The following NCKAP1L variants were observed in gnomAD, a reference collection of about 807,000 sequenced individuals.
NCKAP1L encodes NCK associated protein 1 like, also known as nck-associated protein 1-like.
A neutral mutation model predicts 139.2 loss-of-function variants in NCKAP1L; 53 were observed. The observed-to-expected ratio is 0.38, with a 90% CI of 0.31 to 0.48. The LOEUF is 0.48. Ranked by LOEUF, NCKAP1L falls within the 20% of genes least tolerant of loss-of-function variation. The pLI, the probability that NCKAP1L is intolerant of heterozygous loss-of-function variation, is 0.98. For synonymous variants in NCKAP1L, 468 were observed against 499.7 expected (o/e 0.94, Z 0.85); for missense variants, 1,151 against 1,381.9 (o/e 0.83, Z 2.65).
chr12:54,511,768 T>G, intron 7 of NCKAP1L, 35 bp from the exon 8 acceptor site: 1 of 1,607,954 alleles, frequency 6.2e-7, no homozygotes, highest in Non-Finnish European at 8.5e-7. Context: ...AAGGCCAAGT[T>G]AAATAACTGA....
Position 54,545,909 on chromosome 12 carries a change from A to G in NCKAP1L, c.*3224A>G, listed in dbSNP as rs549955532. Reference sequence around the variant, plus strand: ...ACTGCCTCCCCTGCCATGGTGTTCAATCCAGTTGGCAGGTGGGCCAGCTTC... The same window carrying G: ...ACTGCCTCCCCTGCCATGGTGTTCAGTCCAGTTGGCAGGTGGGCCAGCTTC... On this transcript the variant is annotated 3_prime_UTR_variant, in exon 31 of 31. Coordinates refer to ENST00000293373, the MANE Select transcript of NCKAP1L (RefSeq NM_005337.5). The G allele has an allele frequency of 5.9e-5, 9 of 152,344 alleles. No homozygotes were observed. Among genetic ancestry groups the G allele is most frequent in the Admixed American group, 3.3e-4 (5 of 15,298 alleles). 9.4% of individuals were successfully genotyped at this position (152,344 alleles called of 1,614,324 possible).
At position 54,518,700 on chromosome 12, in the gene NCKAP1L, T is replaced by C; in HGVS notation, c.1388T>C (p.Val463Ala). The C allele has an allele frequency of 6.2e-7, 1 of 1,614,038 alleles. No individual in the cohort carries two copies. The highest frequency in any genetic ancestry group is 8.5e-7 in the Non-Finnish European group (1 of 1,179,910). ...GAGTCCATCATCATGTCCTCATTCG[T>C]CAGTATCCTCTCCTCTCTGAATCTC... Reference protein sequence around the residue: ...EEESIIMSSFVSILSSLNLKQ... With the variant: ...EEESIIMSSFASILSSLNLKQ... The change falls in exon 14 of 31, where the codon GTC becomes GCC. Residue 463 changes from valine to alanine, a missense_variant. By Grantham distance (64) the Val-to-Ala change is moderately conservative. Transcript: ENST00000293373.
intron 3 of NCKAP1L, among the ~76,000 whole-genome samples, 153 bp from the exon 4 acceptor site, chr12:54,507,700 G>A (rs979838338): frequency 6.6e-6 from 1 of 152,102 alleles, no homozygotes; most frequent in Non-Finnish European, 1.5e-5. Flanking sequence ...TTACTGAGGA[G>A]GAACTTCCTC....
At chr12:54,528,453 A>G (rs1464446136) in intron 22 of NCKAP1L, 76 bp downstream of exon 22, 7 of 1,536,218 alleles carry the variant, frequency 4.6e-6, no homozygotes, top group Middle Eastern at 2.3e-4. Flanking sequence ...AGACTAGGAC[A>G]TGTATTTAGG....
chr12:54,499,544 T>C (rs765031532), intron 2 of NCKAP1L, 79 bp downstream of exon 2: 9 of 858,710 alleles, frequency 1.0e-5, no homozygotes, highest in Middle Eastern at 2.2e-4. Flanking sequence ...TTGATGCCTC[T>C]CTTCAAACTT....
chr12:54,505,180 T>C (rs1480162745), intron 3 of NCKAP1L, among the ~76,000 whole-genome samples: 3 of 152,204 alleles, frequency 2.0e-5, no homozygotes, highest in African/African-American at 7.2e-5. Flanking sequence ...CCCGCCACAT[T>C]GCGGAAACAA....
chr12:54,526,855 C>T lies in NCKAP1L; in HGVS notation c.2375+109C>T, dbSNP rs1005960364. 37 of 835,256 alleles carry T rather than the reference C, an allele frequency of 4.4e-5. No homozygotes were observed. The African/African-American group carries it at 6.3e-4, about 14-fold the overall frequency. The allele number at this position is 835,256 out of a possible 1,614,324, so 51.7% of individuals were successfully genotyped here. A position where few individuals can be genotyped will look rare whatever the true frequency, so the allele number is the denominator to read the frequency against. ...TTTTAGCTCCCAGGGTCATAGACTC[C>T]AAAATGGAGGGTTGCTTCTCCTTGA... On this transcript the variant is annotated intron_variant, in intron 21 of 30. Transcript: ENST00000293373.
intron 5 of NCKAP1L, 132 bp from the exon 6 acceptor site, chr12:54,509,537 G>T: frequency 1.5e-6 from 1 of 674,866 alleles, no homozygotes. Context: ...GTAATTTACA[G>T]TGTAGTATGT....
intron 6 of NCKAP1L, 29 bp from the exon 7 acceptor site, chr12:54,509,819 G>C: frequency 6.2e-7 from 1 of 1,614,100 alleles, no homozygotes; most frequent in South Asian, 1.1e-5. Context: ...CATGATTGCC[G>C]CTAAGGTTTC....
At chr12:54,533,142 C>G (rs552510239) in intron 26 of NCKAP1L, among the ~76,000 whole-genome samples, 2 of 152,182 alleles carry the variant, frequency 1.3e-5, no homozygotes, top group South Asian at 4.1e-4. Context: ...AGGATAGCTG[C>G]CCCTCTTGAA....
At position 54,506,785 on chromosome 12, in the gene NCKAP1L, T is replaced by TAAAA. The variant is rs1291340610; in HGVS notation, c.307-1059_307-1056dup. 5.8e-3 allele frequency among the ~76,000 whole-genome samples: 347 copies of TAAAA among 60,310 alleles called. 9 individuals carry two copies. The highest frequency in any genetic ancestry group is 6.7e-3 in the African/African-American group (88 of 13,158). 39.6% of individuals were successfully genotyped at this position (60,310 alleles called of 152,430 possible). A position where few individuals can be genotyped will look rare whatever the true frequency, so the allele number is the denominator to read the frequency against. On this transcript the variant is annotated intron_variant, in intron 3 of 30. Coordinates refer to ENST00000293373, the MANE Select transcript of NCKAP1L (RefSeq NM_005337.5). ...CTGTTCAAATCTTTTGGCAACATATTAAAAAAAAAAAATATATATATATAT... is the reference window on the plus strand; with the variant it reads ...CTGTTCAAATCTTTTGGCAACATATTAAAAAAAAAAAAAAAATATATATATATAT...
intron 9 of NCKAP1L, among the ~76,000 whole-genome samples, chr12:54,512,757 T>A (rs1956898212): frequency 1.5e-5 from 1 of 67,296 alleles, no homozygotes; most frequent in African/African-American, 8.8e-5. Context: ...AGTTGAAGAG[T>A]GTGTGTATGT....
chr12:54,515,864 T>C (rs1298720007), intron 9 of NCKAP1L, among the ~76,000 whole-genome samples: 1 of 152,190 alleles, frequency 6.6e-6, no homozygotes, highest in African/African-American at 2.4e-5. Context: ...GTGTTGTATT[T>C]ATACACTGCT....
At chr12:54,528,836 C>T (rs1957046291) in intron 22 of NCKAP1L, among the ~76,000 whole-genome samples, 1 of 151,812 alleles carries the variant, frequency 6.6e-6, no homozygotes, top group Admixed American at 6.6e-5. Flanking sequence ...GGGGTTTCAC[C>T]ATGTTAGCCA....
chr12:54,517,357 AC>A (rs1956941828), intron 11 of NCKAP1L, among the ~76,000 whole-genome samples, 175 bp from the exon 12 acceptor site: 1 of 152,156 alleles, frequency 6.6e-6, no homozygotes, highest in African/African-American at 2.4e-5. Flanking sequence ...CAACATGTGT[AC>A]CTGCCTGATT....
At position 54,521,050 on chromosome 12, in the gene NCKAP1L, G is replaced by T. The variant is rs546937066; in HGVS notation, c.1759-69G>T. 7.4e-5 allele frequency: 118 copies of T among 1,605,128 alleles called. 4 individuals are homozygous for T. In the Admixed American group the frequency reaches 1.5e-3, roughly 21 times the overall value. ...TGTAAGATTCAGGCAAGGGATGAGAGCAGTATTGTGAGGAAGAAGTGGCCG... is the reference window on the plus strand; with the variant it reads ...TGTAAGATTCAGGCAAGGGATGAGATCAGTATTGTGAGGAAGAAGTGGCCG... On this transcript the variant is annotated intron_variant, in intron 17 of 30. Transcript: ENST00000293373.
At position 54,521,344 on chromosome 12, in the gene NCKAP1L, C is replaced by T. The variant is rs1212249605; in HGVS notation, c.1878+106C>T. The T allele has an allele frequency of 3.3e-6, 5 of 1,493,700 alleles. No homozygotes were observed. The East Asian group carries it at 1.2e-4, about 34-fold the overall frequency. The allele number at this position is 1,493,700 out of a possible 1,614,324, so 92.5% of individuals were successfully genotyped here. ...CAGATGCCAAGCTCAGTAACTCTTTCTCTGAAGTAGGGCTAGGGCCTTTCT... is the reference window on the plus strand; with the variant it reads ...CAGATGCCAAGCTCAGTAACTCTTTTTCTGAAGTAGGGCTAGGGCCTTTCT... On this transcript the variant is annotated intron_variant, in intron 18 of 30. Transcript: ENST00000293373.
At chr12:54,536,306 G>A (rs1957112369) in intron 28 of NCKAP1L, 61 bp downstream of exon 28, 1 of 1,174,810 alleles carries the variant, frequency 8.5e-7, no homozygotes, top group Non-Finnish European at 1.3e-6. Flanking sequence ...GGGGTAGAGA[G>A]AGGAGACAGA....
chr12:54,505,069 A>G (rs1249383), intron 3 of NCKAP1L, among the ~76,000 whole-genome samples: 137,797 of 152,304 alleles, frequency 0.9, 62,544 homozygotes, highest in East Asian at 1. Flanking sequence ...AAAGCTCTGG[A>G]TTCAAGTTCT....
Sources: allele counts gnomAD v4.1 joint callset (sites outside exome capture counted in the v4.1 genomes callset), GRCh38; gene constraint gnomAD v4.1.1; transcripts MANE v1.5; gene names NCBI Gene and HGNC (gene_info 2026-07-23, HGNC 2026-07-21).